Variants in KIF6 observed in about 807,000 individuals in gnomAD.
The protein encoded by KIF6 is kinesin-like protein KIF6.
KIF6 carries 106 observed loss-of-function variants against 112.7 expected under a neutral mutation model. The ratio of observed to expected loss-of-function variants is 0.94; its 90% CI spans 0.80 to 1.11. KIF6 has a LOEUF of 1.11. KIF6 is among the 50% of genes least tolerant of loss of function. The probability of loss-of-function intolerance (pLI) is 0.00; values close to 1 mark genes in which losing one functional copy is unlikely to be tolerated. For missense variants in KIF6, 929 were observed against 964.0 expected (o/e 0.96, Z 0.48); for synonymous variants, 339 against 339.9 (o/e 1.00, Z 0.03).
In KIF6 at chr6:39,587,875, A is replaced by G. The variant is rs2150666367; in HGVS notation, c.847-1471T>C. 2.6e-5 allele frequency among the ~76,000 whole-genome samples: 4 copies of G among 152,284 alleles called. No homozygotes were observed. The Middle Eastern group carries it at 0.01, about 388-fold the overall frequency. Reference sequence around the variant, plus strand: ...AATTCCCATTCTGCATGCCCACTACAGTCCTAAACTAAGATGGCTCTTGCC... The same window carrying G: ...AATTCCCATTCTGCATGCCCACTACGGTCCTAAACTAAGATGGCTCTTGCC... On this transcript the variant is annotated intron_variant, in intron 7 of 22. Transcript: ENST00000287152.
At chr6:39,348,740 G>C (rs1284515995) in intron 19 of KIF6, among the ~76,000 whole-genome samples, 4 of 152,156 alleles carry the variant, frequency 2.6e-5, no homozygotes, top group Non-Finnish European at 4.4e-5. Flanking sequence ...TCCAGGACCT[G>C]AGCATCCCTG....
rs1320899422 is a variant in KIF6 at position 39,438,058 on chromosome 6, A to C, written c.1646-6897T>G. Among the ~76,000 whole-genome samples, 4 of 152,116 alleles carry C rather than the reference A, an allele frequency of 2.6e-5. No homozygotes were observed. The East Asian group carries it at 7.7e-4, about 29-fold the overall frequency. On this transcript the variant is annotated intron_variant, in intron 13 of 22. Transcript: ENST00000287152. ...AGTGGCCTGATCTTGGCTCACTGCAACTTCTGCCTCCTGGGTTCAAGCGAT... is the reference window on the plus strand; with the variant it reads ...AGTGGCCTGATCTTGGCTCACTGCACCTTCTGCCTCCTGGGTTCAAGCGAT...
At chr6:39,696,492 C>A (rs1048651036) in intron 3 of KIF6, among the ~76,000 whole-genome samples, 1 of 151,990 alleles carries the variant, frequency 6.6e-6, no homozygotes, top group South Asian at 2.1e-4. Context: ...CAGAAAGCTG[C>A]CAATACAGCC....
At chr6:39,369,206 T>C (rs1765784640) in intron 16 of KIF6, among the ~76,000 whole-genome samples, 1 of 152,186 alleles carries the variant, frequency 6.6e-6, no homozygotes, top group Non-Finnish European at 1.5e-5. Flanking sequence ...GGCTCAAATT[T>C]ACTGTCAGCT....
chr6:39,500,118 C>A (rs770505297), intron 13 of KIF6, among the ~76,000 whole-genome samples: 2 of 152,086 alleles, frequency 1.3e-5, no homozygotes, highest in East Asian at 1.9e-4. Flanking sequence ...AAGGGCTTGG[C>A]GCTGTGCTGT....
At chr6:39,385,753 ACAG>A in intron 15 of KIF6, 81 bp from the exon 16 acceptor site, 1 of 743,880 alleles carries the variant, frequency 1.3e-6, no homozygotes. Context: ...GTGGCAAGCT[ACAG>A]AAAAAAAAAA....
rs1763367234 is a variant in KIF6, at chr6:39,342,374, G to A, written c.2428+1335C>T. Reference sequence around the variant, plus strand: ...TTACGTATTTGTCGACGTGTTCATTGTCTGTCTCCTTCCTCCCCCTAGAAT... The same window carrying A: ...TTACGTATTTGTCGACGTGTTCATTATCTGTCTCCTTCCTCCCCCTAGAAT... On this transcript the variant is annotated intron_variant, in intron 22 of 22. Coordinates refer to ENST00000287152, the MANE Select transcript of KIF6 (RefSeq NM_145027.6). This position sits in a 1 kb window ranked among gnomAD's most constrained non-coding sequence, Gnocchi z 4.7. 6.6e-6 allele frequency among the ~76,000 whole-genome samples: 1 copy of A among 152,280 alleles called. No individual in the cohort carries two copies. Among genetic ancestry groups the A allele is most frequent in the African/African-American group, 2.4e-5 (1 of 41,560 alleles).
At chr6:39,577,914 C>G (rs577546594) in intron 10 of KIF6, 142 bp downstream of exon 10, 1 of 588,238 alleles carries the variant, frequency 1.7e-6, no homozygotes, top group Non-Finnish European at 3.0e-6. Flanking sequence ...AGCCGCCACT[C>G]TTAACTGGCG....
intron 13 of KIF6, among the ~76,000 whole-genome samples, chr6:39,508,490 A>G (rs1452543936): frequency 5.3e-5 from 8 of 152,030 alleles, no homozygotes; most frequent in Non-Finnish European, 2.9e-5. Context: ...TATTTGGAGG[A>G]ATGGTACACT....
At chr6:39,643,717 A>C (rs1263025625) in intron 3 of KIF6, among the ~76,000 whole-genome samples, 1 of 152,276 alleles carries the variant, frequency 6.6e-6, no homozygotes, top group East Asian at 1.9e-4. Context: ...CTTAAAAGAA[A>C]ATCTTGCAAG....
At chr6:39,712,822 G>A (rs1789633892) in intron 3 of KIF6, among the ~76,000 whole-genome samples, 1 of 152,096 alleles carries the variant, frequency 6.6e-6, no homozygotes. Context: ...GACAGGGGGA[G>A]GAATAGCATT....
At chr6:39,588,079 A>G (rs1468144265) in intron 7 of KIF6, among the ~76,000 whole-genome samples, 1 of 152,180 alleles carries the variant, frequency 6.6e-6, no homozygotes, top group African/African-American at 2.4e-5. Context: ...CTAGTTAATG[A>G]ATGTTTCTTT....
chr6:39,565,874 G>C (rs1780249721), intron 10 of KIF6, among the ~76,000 whole-genome samples: 1 of 152,150 alleles, frequency 6.6e-6, no homozygotes, highest in African/African-American at 2.4e-5. Context: ...AGTTTTGAAA[G>C]AACAGAGAGT....
chr6:39,336,193 A>G lies in KIF6; in HGVS notation c.*339T>C. On this transcript the variant is annotated 3_prime_UTR_variant, in exon 23 of 23. Transcript: ENST00000287152. ...TCTGACATTATATTTTGATGGTGCT[A>G]TTTCACATTCTCAAAAGCTTATAAA... The G allele has an allele frequency of 4.7e-6, 1 of 212,688 alleles. No homozygotes were observed. Among genetic ancestry groups the G allele is most frequent in the Non-Finnish European group, 9.0e-6 (1 of 110,588 alleles). The allele number at this position is 212,688 out of a possible 1,614,324, so 13.2% of individuals were successfully genotyped here.
intron 13 of KIF6, among the ~76,000 whole-genome samples, chr6:39,503,462 A>C (rs901393753): frequency 6.6e-6 from 1 of 152,194 alleles, no homozygotes; most frequent in Non-Finnish European, 1.5e-5. Context: ...GAAGATAAGA[A>C]ATAACCAATA....
chr6:39,450,114 G>A (rs1772590966), intron 13 of KIF6, among the ~76,000 whole-genome samples: 1 of 152,240 alleles, frequency 6.6e-6, no homozygotes, highest in Non-Finnish European at 1.5e-5. Context: ...AAGGTGGCTA[G>A]TGAGAGCCAC....
intron 16 of KIF6, among the ~76,000 whole-genome samples, chr6:39,370,425 G>T (rs531381096): frequency 6.6e-6 from 1 of 152,100 alleles, no homozygotes; most frequent in Non-Finnish European, 1.5e-5. Context: ...ATTGAGTTGT[G>T]GATCCTTCAT....
chr6:39,349,037 C>T (rs1469875771), intron 19 of KIF6, among the ~76,000 whole-genome samples: 2 of 152,136 alleles, frequency 1.3e-5, no homozygotes, highest in Non-Finnish European at 1.5e-5. Context: ...GGTGTGCTGT[C>T]GGAGGGGCCA....
chr6:39,578,580 C>G (rs114162255), intron 9 of KIF6, among the ~76,000 whole-genome samples: 11,657 of 152,100 alleles, frequency 0.077, 511 homozygotes, highest in South Asian at 0.17. Context: ...ATCCACCCAC[C>G]CTGGCCTCCC....
Sources: allele counts gnomAD v4.1 joint callset (sites outside exome capture counted in the v4.1 genomes callset), GRCh38; gene constraint gnomAD v4.1.1; non-coding constraint Gnocchi (gnomAD v3.1); transcripts MANE v1.5; gene names NCBI Gene and HGNC (gene_info 2026-07-23, HGNC 2026-07-21).